LRRTM4: variants seen among roughly 807,000 people sequenced by gnomAD.
LRRTM4 encodes leucine rich repeat transmembrane neuronal 4.
A neutral mutation model predicts 47.6 loss-of-function variants in LRRTM4; 25 were observed. That is an observed-to-expected ratio of 0.53 (90% CI 0.38 to 0.73). The LOEUF (loss-of-function observed/expected upper bound fraction) is 0.73. LRRTM4 is among the 30% of genes least tolerant of loss of function. The probability of loss-of-function intolerance (pLI) is 0.00; values close to 1 mark genes in which losing one functional copy is unlikely to be tolerated. For synonymous variants in LRRTM4, 311 were observed against 269.5 expected (o/e 1.15, Z -1.51); for missense variants, 638 against 713.4 (o/e 0.89, Z 1.20).
At chr2:76,993,663 A>C (rs1264754421) in intron 3 of LRRTM4, among the ~76,000 whole-genome samples, 1 of 151,982 alleles carries the variant, frequency 6.6e-6, no homozygotes, top group Non-Finnish European at 1.5e-5. Flanking sequence ...CATGGAATGT[A>C]AATTTGTTTA....
At chr2:76,846,511 A>C (rs933151838) in intron 3 of LRRTM4, among the ~76,000 whole-genome samples, 3 of 152,172 alleles carry the variant, frequency 2.0e-5, no homozygotes, top group South Asian at 4.1e-4. Flanking sequence ...GAATCTTTCA[A>C]TATCTACCCA....
At chr2:77,434,831 T>C (rs975639057) in intron 3 of LRRTM4, among the ~76,000 whole-genome samples, 1 of 152,176 alleles carries the variant, frequency 6.6e-6, no homozygotes, top group African/African-American at 2.4e-5. Context: ...ACACCAATTA[T>C]CCTACCCTTA....
chr2:77,320,796 A>G (rs1487479894), intron 3 of LRRTM4, among the ~76,000 whole-genome samples: 1 of 152,116 alleles, frequency 6.6e-6, no homozygotes, highest in East Asian at 1.9e-4. Flanking sequence ...AACTGGCATG[A>G]ATTAAAACAA....
chr2:77,427,616 G>A (rs1346640745), intron 3 of LRRTM4, among the ~76,000 whole-genome samples: 1 of 152,142 alleles, frequency 6.6e-6, no homozygotes, highest in African/African-American at 2.4e-5. Flanking sequence ...TTGTGAAGCA[G>A]TTATATAGTT....
intron 3 of LRRTM4, among the ~76,000 whole-genome samples, chr2:77,186,367 A>T (rs1673505754): frequency 6.6e-6 from 1 of 152,116 alleles, no homozygotes; most frequent in East Asian, 1.9e-4. Context: ...ATCAGGGGAG[A>T]TATTTGGTTG....
At chr2:76,863,260 T>A (rs1181697606) in intron 3 of LRRTM4, among the ~76,000 whole-genome samples, 2 of 152,226 alleles carry the variant, frequency 1.3e-5, no homozygotes, top group Non-Finnish European at 2.9e-5. Context: ...AAGGTACTTA[T>A]GACTGTTTTG....
At chr2:77,151,530 G>A (rs1672430593) in intron 3 of LRRTM4, among the ~76,000 whole-genome samples, 1 of 152,092 alleles carries the variant, frequency 6.6e-6, no homozygotes, top group South Asian at 2.1e-4. Flanking sequence ...AACAACCCAA[G>A]TGTTCATCAA....
chr2:77,145,186 G>C (rs952258994), intron 3 of LRRTM4, among the ~76,000 whole-genome samples: 6 of 151,342 alleles, frequency 4.0e-5, no homozygotes, highest in African/African-American at 1.5e-4. Flanking sequence ...AAAGGGTAGA[G>C]CATTTGACAG....
intron 3 of LRRTM4, among the ~76,000 whole-genome samples, chr2:76,923,427 G>T (rs933382129): frequency 1.3e-5 from 2 of 151,646 alleles, no homozygotes; most frequent in Admixed American, 6.6e-5. Flanking sequence ...ATAAATGAAG[G>T]TAATAAATAC....
intron 3 of LRRTM4, among the ~76,000 whole-genome samples, chr2:77,197,736 A>G (rs181051036): frequency 6.6e-6 from 1 of 152,296 alleles, no homozygotes; most frequent in African/African-American, 2.4e-5. Flanking sequence ...TATAGTGAGG[A>G]TATCTTATGC....
At chr2:76,785,596 A>G (rs536925559) in intron 3 of LRRTM4, among the ~76,000 whole-genome samples, 1 of 152,256 alleles carries the variant, frequency 6.6e-6, no homozygotes, top group East Asian at 1.9e-4. Flanking sequence ...ACCTGAACAT[A>G]TGTTTGTAAT....
At chr2:77,266,475 A>T (rs1235468914) in intron 3 of LRRTM4, among the ~76,000 whole-genome samples, 2 of 152,190 alleles carry the variant, frequency 1.3e-5, no homozygotes, top group Admixed American at 1.3e-4. Context: ...ATAAAGAAGA[A>T]GAACAAAGAG....
At chr2:77,288,161 A>G (rs1401530978) in intron 3 of LRRTM4, among the ~76,000 whole-genome samples, 1 of 152,072 alleles carries the variant, frequency 6.6e-6, no homozygotes, top group Admixed American at 6.6e-5. Context: ...AGATTACAAT[A>G]GAGCATGGCC....
chr2:76,842,204 T>C (rs1246608818), intron 3 of LRRTM4, among the ~76,000 whole-genome samples: 1 of 152,174 alleles, frequency 6.6e-6, no homozygotes, highest in Non-Finnish European at 1.5e-5. Flanking sequence ...TGGTGGTTTA[T>C]CAATCTTCTG....
At chr2:77,096,942 A>G (rs974163975) in intron 3 of LRRTM4, among the ~76,000 whole-genome samples, 1 of 151,892 alleles carries the variant, frequency 6.6e-6, no homozygotes, top group Admixed American at 6.6e-5. Flanking sequence ...AGCTCCATTC[A>G]AAATAAAAAA....
intron 3 of LRRTM4, among the ~76,000 whole-genome samples, chr2:77,389,155 T>C (rs1192481200): frequency 6.6e-6 from 1 of 152,110 alleles, no homozygotes; most frequent in Non-Finnish European, 1.5e-5. Flanking sequence ...TTGAAGTGTA[T>C]CACTGTTTTA....
intron 3 of LRRTM4, among the ~76,000 whole-genome samples, chr2:77,377,066 G>C (rs1672868435): frequency 1.3e-5 from 2 of 151,880 alleles, no homozygotes; most frequent in South Asian, 4.2e-4. Flanking sequence ...TATTTAGTTA[G>C]TTGCTGAAAC....
intron 3 of LRRTM4, among the ~76,000 whole-genome samples, chr2:76,983,728 A>G (rs955386369): frequency 2.6e-5 from 4 of 152,110 alleles, no homozygotes; most frequent in Admixed American, 6.6e-5. Context: ...ATACACAGAA[A>G]GAAATGATGT....
At chr2:76,951,816 G>A (rs1675507022) in intron 3 of LRRTM4, among the ~76,000 whole-genome samples, 1 of 151,214 alleles carries the variant, frequency 6.6e-6, no homozygotes, top group Admixed American at 6.6e-5. Context: ...AGTGTGTGAT[G>A]TTCCCCTCCC....
Sources: allele counts gnomAD v4.1 joint callset (sites outside exome capture counted in the v4.1 genomes callset), GRCh38; gene constraint gnomAD v4.1.1; transcripts MANE v1.5; gene names NCBI Gene and HGNC (gene_info 2026-07-23, HGNC 2026-07-21).